Variants in NCAPG2 observed in about 807,000 individuals in gnomAD.
NCAPG2 encodes the protein condensin-2 complex subunit G2.
In NCAPG2, 53 loss-of-function variants were observed where a neutral mutation model predicts 141.1. The observed-to-expected ratio is 0.38, with a 90% confidence interval of 0.30 to 0.47. The LOEUF (loss-of-function observed/expected upper bound fraction) is 0.47. NCAPG2 is among the 20% of genes least tolerant of loss of function. NCAPG2 has a pLI of 0.99. For synonymous variants in NCAPG2, 499 were observed against 490.7 expected, an observed-to-expected ratio of 1.02 and a Z score of -0.22; for missense variants, 1,087 against 1,389.0, an observed-to-expected ratio of 0.78 and a Z score of 3.46.
intron 6 of NCAPG2, among the ~76,000 whole-genome samples, chr7:158,688,119 C>T (rs1010589772): frequency 7.9e-5 from 12 of 151,446 alleles, no homozygotes; most frequent in African/African-American, 2.9e-4. Context: ...TGGAATCCTA[C>T]AGAAATGCAA....
chr7:158,637,579 C>CGAGCACACACAGGAGCCTGTGGGACTCA (rs1403971410), intron 27 of NCAPG2, among the ~76,000 whole-genome samples: 1 of 5,132 alleles, frequency 1.9e-4, no homozygotes, highest in African/African-American at 6.6e-4. Context: ...GCTCCGGCTC[C>CGAGCACACACAGGAGCCTGTGGGACTCA]AGCAGCTCCC....
chr7:158,665,044 T>C, intron 13 of NCAPG2: 1 of 262,826 alleles, frequency 3.8e-6, no homozygotes, highest in Non-Finnish European at 7.2e-6. Context: ...CAATGATAGC[T>C]ATGATTGTCA....
chr7:158,674,049 C>T (rs555970001), intron 12 of NCAPG2, among the ~76,000 whole-genome samples: 2 of 152,294 alleles, frequency 1.3e-5, no homozygotes, highest in Non-Finnish European at 2.9e-5. Context: ...TAGGTGACCA[C>T]TAAACTAAGA....
intron 27 of NCAPG2, among the ~76,000 whole-genome samples, chr7:158,634,331 T>C (rs1830054048): frequency 6.6e-6 from 1 of 152,212 alleles, no homozygotes; most frequent in African/African-American, 2.4e-5. Flanking sequence ...TACTATATTG[T>C]CTATATACTA....
Position 158,675,565 on chromosome 7 carries a change from G to A in NCAPG2, c.1238C>T (p.Pro413Leu), listed in dbSNP as rs753159086. ...ITSKYWEMMP[P>L]TILIDLLKKV... ...CTTCAGGAGGTCAATAAGAATGGTC[G>A]GGGGCATCATTTCCCAGTACTTAGA... Residue 413 changes from proline to leucine, a missense_variant, in exon 12 of 28, where the codon CCG (proline) becomes CTG (leucine). Coordinates refer to ENST00000356309, the MANE Select transcript of NCAPG2 (RefSeq NM_017760.7). 5.6e-6 allele frequency: 9 copies of A among 1,613,604 alleles called. No individual in the cohort carries two copies. The highest frequency in any genetic ancestry group is 3.3e-5 in the South Asian group (3 of 90,932).
chr7:158,658,243 CTA>C, intron 17 of NCAPG2, 93 bp downstream of exon 17: 2 of 1,178,204 alleles, frequency 1.7e-6, no homozygotes, highest in Non-Finnish European at 2.3e-6. Flanking sequence ...GAGCTGAAAG[CTA>C]AATGTTATGG....
intron 12 of NCAPG2, among the ~76,000 whole-genome samples, chr7:158,673,485 A>G (rs1257332076): frequency 6.6e-6 from 1 of 152,206 alleles, no homozygotes; most frequent in Non-Finnish European, 1.5e-5. Context: ...GCATGGGCCC[A>G]GTCTGAAGGG....
chr7:158,687,581 A>C, intron 6 of NCAPG2, 139 bp from the exon 7 acceptor site: 2 of 645,112 alleles, frequency 3.1e-6, no homozygotes, highest in Non-Finnish European at 5.2e-6. Flanking sequence ...CTGAGAGCAC[A>C]TGCACGAGTT....
chr7:158,667,507 T>C (rs1348685883), intron 13 of NCAPG2, among the ~76,000 whole-genome samples: 6 of 104,150 alleles, frequency 5.8e-5, no homozygotes, highest in Middle Eastern at 6.2e-3. Flanking sequence ...TACCCACTAC[T>C]GGGTCCCTCC....
intron 25 of NCAPG2, among the ~76,000 whole-genome samples, 171 bp from the exon 26 acceptor site, chr7:158,645,790 A>T (rs1252000964): frequency 6.6e-6 from 1 of 152,210 alleles, no homozygotes; most frequent in East Asian, 1.9e-4. Context: ...CAGATTGTAC[A>T]GTGAGATATT....
At chr7:158,652,177 C>A in intron 23 of NCAPG2, 116 bp downstream of exon 23, 1 of 1,076,488 alleles carries the variant, frequency 9.3e-7, no homozygotes, top group Non-Finnish European at 1.3e-6. Context: ...ACCTCCCACA[C>A]AACACTGCGT....
Position 158,662,359 on chromosome 7 carries a change from G to C in NCAPG2, c.1824C>G (p.Asp608Glu), listed in dbSNP as rs375070259. The C allele has an allele frequency of 8.8e-5, 137 of 1,558,346 alleles. No individual in the cohort carries two copies. Among genetic ancestry groups the C allele is most frequent in the Non-Finnish European group, 1.1e-4 (128 of 1,155,464 alleles). Reference protein sequence around the residue: ...GREKENVTVLDKTLSVNDVAC... With the variant: ...GREKENVTVLEKTLSVNDVAC... The stretch of plus-strand genomic sequence containing the variant: ...CAACATCGTTTACTGACAGTGTTTT[G>C]TCCAGAACCTAAGATAAAAATAATT... Residue 608 changes from aspartate (D) to glutamate (E), a missense_variant, in exon 16 of 28, where the codon GAC becomes GAG. Physicochemically the swap from Asp to Glu is conservative, Grantham distance 45. Transcript: ENST00000356309.
intron 8 of NCAPG2, among the ~76,000 whole-genome samples, chr7:158,684,789 G>C (rs922481116): frequency 2.0e-5 from 3 of 152,220 alleles, no homozygotes; most frequent in Non-Finnish European, 4.4e-5. Flanking sequence ...CTGACCTCAG[G>C]TGATCCACCC....
intron 2 of NCAPG2, among the ~76,000 whole-genome samples, chr7:158,695,590 G>A (rs1835393637): frequency 6.6e-6 from 1 of 152,224 alleles, no homozygotes; most frequent in Non-Finnish European, 1.5e-5. Flanking sequence ...GTTGCCTAGG[G>A]CACTGAAGAG....
At chr7:158,690,438 G>C (rs1835045052) in intron 5 of NCAPG2, 130 bp downstream of exon 5, 11 of 826,352 alleles carry the variant, frequency 1.3e-5, no homozygotes, top group Non-Finnish European at 2.0e-5. Context: ...TCAGCTACTT[G>C]AGAGGCTGAG....
In NCAPG2 at chr7:158,656,436, G is replaced by A. The variant is rs1473710948; in HGVS notation, c.2215-3C>T. On this transcript the variant is annotated splice_region_variant and splice_polypyrimidine_tract_variant and intron_variant, in intron 18 of 27. Transcript: ENST00000356309. ...CTACCTTTAGAAGCTGTGTTGCTCT[G>A]AAAGAAGAGAGAGAGAAACTGATAA... The A allele has an allele frequency of 8.1e-6, 13 of 1,612,670 alleles. No individual in the cohort carries two copies. The highest frequency in any genetic ancestry group is 4.0e-5 in the African/African-American group (3 of 74,822).
At chr7:158,672,248 T>C (rs1423450906) in intron 12 of NCAPG2, among the ~76,000 whole-genome samples, 1 of 145,164 alleles carries the variant, frequency 6.9e-6, no homozygotes, top group Non-Finnish European at 1.5e-5. Context: ...CACAGGTTTT[T>C]ATTAAAAGTA....
intron 2 of NCAPG2, among the ~76,000 whole-genome samples, chr7:158,697,438 C>T (rs1332260503): frequency 6.6e-6 from 1 of 152,154 alleles, no homozygotes; most frequent in Admixed American, 6.5e-5. Context: ...CCTGTCTCTA[C>T]TAAAAATACA....
rs375838381 is a variant in NCAPG2, at chr7:158,675,561, G to A, written c.1242C>T (p.Thr414=). 8.1e-6 allele frequency: 13 copies of A among 1,613,582 alleles called. No individual in the cohort carries two copies. Among genetic ancestry groups the A allele is most frequent in the Non-Finnish European group, 1.1e-5 (13 of 1,179,900 alleles). Residue 414 remains threonine (T), a synonymous_variant, in exon 12 of 28, where the codon ACC becomes ACT. Transcript: ENST00000356309. The stretch of plus-strand genomic sequence containing the variant: ...CCTTCTTCAGGAGGTCAATAAGAAT[G>A]GTCGGGGGCATCATTTCCCAGTACT... The part of the protein sequence containing the change: ...TSKYWEMMPP[T]ILIDLLKKVT...
Sources: gnomAD v4.1 joint callset for allele counts (sites outside exome capture counted in the v4.1 genomes callset) on GRCh38, gnomAD v4.1.1 for gene constraint, MANE v1.5 for transcripts, NCBI Gene and HGNC (gene_info 2026-07-23, HGNC 2026-07-21) for gene names.